The following RBFOX3 variants were observed in gnomAD, a reference collection of about 807,000 sequenced individuals.
The protein encoded by RBFOX3 is RNA binding protein fox-1 homolog 3.
Under a neutral mutation model 48.7 loss-of-function variants are expected in RBFOX3, and 17 were observed. The ratio of observed to expected loss-of-function variants is 0.35; its 90% CI spans 0.24 to 0.52. The LOEUF (loss-of-function observed/expected upper bound fraction) is 0.52. Ranked by LOEUF, RBFOX3 falls within the 20% of genes least tolerant of loss-of-function variation. The pLI, the probability that RBFOX3 is intolerant of heterozygous loss-of-function variation, is 0.94. For missense variants in RBFOX3, 382 were observed against 497.5 expected, an observed-to-expected ratio of 0.77 and a Z score of 2.21; for synonymous variants, 212 against 209.5, an observed-to-expected ratio of 1.01 and a Z score of -0.10.
intron 1 of RBFOX3, among the ~76,000 whole-genome samples, chr17:79,585,882 G>A (rs1417176914): frequency 9.9e-5 from 15 of 152,274 alleles, no homozygotes; most frequent in Non-Finnish European, 1.3e-4. Flanking sequence ...GACAGGAGAG[G>A]AGCTGGACAC....
chr17:79,386,710 A>G (rs986462385), intron 2 of RBFOX3, among the ~76,000 whole-genome samples: 1 of 152,128 alleles, frequency 6.6e-6, no homozygotes, highest in Non-Finnish European at 1.5e-5. Flanking sequence ...TGTTCCCTGC[A>G]GCCCTTGGGG....
rs112098117 is a variant in RBFOX3, at chr17:79,326,708, C to T, written c.-174-18884G>A. ...AGCTCCTCTCCAGCTGCATTACTCCCGACATGTCTCCTCTGGGCCCAGACC... is the reference window on the plus strand; with the variant it reads ...AGCTCCTCTCCAGCTGCATTACTCCTGACATGTCTCCTCTGGGCCCAGACC... On this transcript the variant is annotated intron_variant, in intron 2 of 14. Coordinates refer to ENST00000693108, the MANE Select transcript of RBFOX3 (RefSeq NM_001350451.2). Among the ~76,000 whole-genome samples, 301 of 152,266 alleles carry T rather than the reference C, an allele frequency of 2.0e-3. 2 individuals carry two copies. Among genetic ancestry groups the T allele is most frequent in the African/African-American group, 6.0e-3 (249 of 41,568 alleles).
intron 1 of RBFOX3, among the ~76,000 whole-genome samples, chr17:79,494,313 G>A (rs1254285538): frequency 6.6e-6 from 1 of 152,178 alleles, no homozygotes; most frequent in Non-Finnish European, 1.5e-5. Context: ...GCAGTGTAAG[G>A]GGTGAGGCCT....
Position 79,115,511 on chromosome 17 carries a change from C to T in RBFOX3, c.205G>A (p.Gly69Arg), listed in dbSNP as rs1277972988. ...GSEASTQPIA[G>R]TQTVPQTDEA... Reference sequence around the variant, plus strand: ...GCCCTTACCGGCACTGTCTGGGTCCCGGCGATGGGCTGTGTGCTGGCCTCG... The same window carrying T: ...GCCCTTACCGGCACTGTCTGGGTCCTGGCGATGGGCTGTGTGCTGGCCTCG... The change falls in exon 5 of 15, where the codon GGG becomes AGG. Residue 69 changes from glycine to arginine, a missense_variant. Coordinates refer to ENST00000693108, the MANE Select transcript of RBFOX3 (RefSeq NM_001350451.2). 2 of 1,334,196 alleles carry T rather than the reference C, an allele frequency of 1.5e-6. No individual in the cohort carries two copies. Among genetic ancestry groups the T allele is most frequent in the Middle Eastern group, 1.9e-4 (1 of 5,194 alleles). 82.6% of individuals were successfully genotyped at this position (1,334,196 alleles called of 1,614,324 possible).
chr17:79,524,833 C>T (rs2086593781), intron 1 of RBFOX3, among the ~76,000 whole-genome samples: 1 of 151,646 alleles, frequency 6.6e-6, no homozygotes, highest in Non-Finnish European at 1.5e-5. Context: ...ATGCCTCCGC[C>T]CCACAGCAGG....
chr17:79,638,475 T>C, the RBFOX3 span, among the ~76,000 whole-genome samples: 2 of 151,798 alleles, frequency 1.3e-5, no homozygotes, highest in Non-Finnish European at 1.5e-5. Context: ...TGCCAACAAA[T>C]GGGATAATCT....
chr17:79,106,807 G>C lies in RBFOX3; in HGVS notation c.223-19C>G. 6.7e-7 allele frequency: 1 copy of C among 1,495,048 alleles called. No homozygotes were observed. The highest frequency in any genetic ancestry group is 8.9e-7 in the Non-Finnish European group (1 of 1,128,046). 92.6% of individuals were successfully genotyped at this position (1,495,048 alleles called of 1,614,324 possible). On this transcript the variant is annotated intron_variant, in intron 5 of 14. Coordinates refer to ENST00000693108, the MANE Select transcript of RBFOX3 (RefSeq NM_001350451.2). The stretch of plus-strand genomic sequence containing the variant: ...CTGTCTGCTGCAGGGAGAGGACTGG[G>C]CTGTGGAGGCTGCCTCTGTGTGCGG...
chr17:79,185,260 A>G (rs2053163717), intron 4 of RBFOX3, among the ~76,000 whole-genome samples: 1 of 152,224 alleles, frequency 6.6e-6, no homozygotes, highest in South Asian at 2.1e-4. Flanking sequence ...GTGCTGGCAC[A>G]GGACAAGGAT....
intron 2 of RBFOX3, among the ~76,000 whole-genome samples, chr17:79,397,997 C>T (rs1275703790): frequency 6.6e-6 from 1 of 152,140 alleles, no homozygotes; most frequent in African/African-American, 2.4e-5. Flanking sequence ...CACACCCCCA[C>T]CCAGACAGCT....
At chr17:79,444,942 C>T (rs1555737278) in intron 2 of RBFOX3, among the ~76,000 whole-genome samples, 1 of 152,092 alleles carries the variant, frequency 6.6e-6, no homozygotes, top group Non-Finnish European at 1.5e-5. Flanking sequence ...ACTGCCCATC[C>T]CCAACCACAG....
intron 1 of RBFOX3, among the ~76,000 whole-genome samples, chr17:79,528,378 CCTCTGAGGTAT>C (rs1290787614): frequency 7.4e-6 from 1 of 136,034 alleles, no homozygotes; most frequent in East Asian, 2.0e-4. Context: ...CTTAGTTGAA[CCTCTGAGGTAT>C]CTCTGAGGAG....
intron 5 of RBFOX3, among the ~76,000 whole-genome samples, chr17:79,110,417 C>T (rs983712410): frequency 2.6e-5 from 4 of 152,198 alleles, no homozygotes; most frequent in African/African-American, 7.2e-5. Flanking sequence ...AGGGAATGAG[C>T]CCCAGGCAGG....
intron 2 of RBFOX3, among the ~76,000 whole-genome samples, chr17:79,338,120 A>G (rs1428657192): frequency 1.3e-5 from 2 of 151,982 alleles, no homozygotes; most frequent in East Asian, 1.9e-4. Context: ...TGTAATTTTA[A>G]TAGAGACGGG....
intron 4 of RBFOX3, among the ~76,000 whole-genome samples, chr17:79,228,547 C>A (rs1468561301): frequency 6.6e-6 from 1 of 152,158 alleles, no homozygotes; most frequent in African/African-American, 2.4e-5. Context: ...TAGCACAAAA[C>A]CACCCAACTG....
intron 4 of RBFOX3, among the ~76,000 whole-genome samples, chr17:79,122,414 G>A (rs941450506): frequency 6.6e-6 from 1 of 152,134 alleles, no homozygotes; most frequent in Non-Finnish European, 1.5e-5. Flanking sequence ...TGAACGTCTA[G>A]CTGCCACCTA....
chr17:79,218,966 C>T (rs1013702448), intron 4 of RBFOX3, among the ~76,000 whole-genome samples: 2 of 152,232 alleles, frequency 1.3e-5, no homozygotes, highest in African/African-American at 4.8e-5. Flanking sequence ...AGGGGCCATC[C>T]GTCCCTTCTC....
At position 79,129,416 on chromosome 17, in the gene RBFOX3, G is replaced by A. The variant is rs1204523129; in HGVS notation, c.-33-13668C>T. Among the ~76,000 whole-genome samples the A allele has an allele frequency of 9.6e-5, 10 of 103,824 alleles. No homozygotes were observed. In the South Asian group the frequency reaches 2.7e-3, roughly 28 times the overall value. 68.1% of individuals were successfully genotyped at this position (103,824 alleles called of 152,430 possible). ...ACTGCTTTCCAATCCGGAGTAAGAG[G>A]GTGTGCCCTAGAGACCCAGGGGAGG... On this transcript the variant is annotated intron_variant, in intron 4 of 14. Transcript: ENST00000693108.
In RBFOX3 at chr17:79,565,476, A is replaced by G. The variant is rs2092423178; in HGVS notation, c.-320+45350T>C. Among the ~76,000 whole-genome samples, 5 of 151,892 alleles carry G rather than the reference A, an allele frequency of 3.3e-5. No homozygotes were observed. In the South Asian group the frequency reaches 8.3e-4, roughly 25 times the overall value. Reference sequence around the variant, plus strand: ...TGCCTCAGCCTCCCAAGTAGCTGAGATTACAGGCATGCACTACCACACCCA... The same window carrying G: ...TGCCTCAGCCTCCCAAGTAGCTGAGGTTACAGGCATGCACTACCACACCCA... On this transcript the variant is annotated intron_variant, in intron 1 of 14. Coordinates refer to ENST00000693108, the MANE Select transcript of RBFOX3 (RefSeq NM_001350451.2).
intron 1 of RBFOX3, among the ~76,000 whole-genome samples, chr17:79,506,160 C>A (rs990417134): frequency 2.6e-5 from 4 of 152,230 alleles, no homozygotes; most frequent in African/African-American, 9.6e-5. Context: ...TCCCTGTGGA[C>A]CTTGCTTCGC....
Sources: gnomAD v4.1 joint callset for allele counts (sites outside exome capture counted in the v4.1 genomes callset) on GRCh38, gnomAD v4.1.1 for gene constraint, MANE v1.5 for transcripts, NCBI Gene and HGNC (gene_info 2026-07-23, HGNC 2026-07-21) for gene names.